ZNF423: variants seen among roughly 807,000 people sequenced by gnomAD.
The protein encoded by ZNF423 is zinc finger protein 423.
A neutral mutation model predicts 95.8 loss-of-function variants in ZNF423; 12 were observed. The observed-to-expected ratio is 0.13, with a 90% confidence interval of 0.08 to 0.20. The LOEUF (loss-of-function observed/expected upper bound fraction) is 0.20, where lower values mean the gene tolerates loss of function less well. Ranked by LOEUF, ZNF423 falls within the 10% of genes least tolerant of loss-of-function variation. The pLI, the probability that ZNF423 is intolerant of heterozygous loss-of-function variation, is 1.00. For missense variants in ZNF423, 1,316 were observed against 1,737.1 expected (o/e 0.76, Z 4.31); for synonymous variants, 749 against 711.9 (o/e 1.05, Z -0.83).
chr16:49,586,954 T>C (rs1970859903), intron 5 of ZNF423, among the ~76,000 whole-genome samples: 4 of 152,100 alleles, frequency 2.6e-5, no homozygotes, highest in Admixed American at 2.6e-4. Context: ...ACCTCATTCC[T>C]GGTGGGTGTA....
chr16:49,553,707 C>T (rs866598824), intron 5 of ZNF423, among the ~76,000 whole-genome samples: 1 of 152,172 alleles, frequency 6.6e-6, no homozygotes, highest in Middle Eastern at 3.4e-3. Flanking sequence ...AGTGCAGTGG[C>T]ATGATCAATT....
At chr16:49,753,669 G>C (rs1333367143) in intron 2 of ZNF423, among the ~76,000 whole-genome samples, 1 of 152,056 alleles carries the variant, frequency 6.6e-6, no homozygotes, top group Non-Finnish European at 1.5e-5. Flanking sequence ...GGCAGCTTCA[G>C]CTCTGGCTAT....
At chr16:49,542,381 T>C (rs562343480) in intron 5 of ZNF423, among the ~76,000 whole-genome samples, 20 of 152,358 alleles carry the variant, frequency 1.3e-4, no homozygotes, top group Admixed American at 4.6e-4. Flanking sequence ...TTGTGCTTGA[T>C]GCATAGGATT....
intron 7 of ZNF423, among the ~76,000 whole-genome samples, chr16:49,514,230 A>G (rs1968033633): frequency 7.0e-6 from 1 of 143,696 alleles, no homozygotes; most frequent in Non-Finnish European, 1.5e-5. Flanking sequence ...GCACATGCGT[A>G]CACACACACG....
chr16:49,540,900 C>A (rs909216952), intron 5 of ZNF423, among the ~76,000 whole-genome samples: 4 of 152,190 alleles, frequency 2.6e-5, no homozygotes, highest in African/African-American at 9.6e-5. Flanking sequence ...TGTGCATGTG[C>A]TGGTGGAAAC....
intron 3 of ZNF423, among the ~76,000 whole-genome samples, chr16:49,645,271 C>A (rs58384143): frequency 0.01 from 1,545 of 152,228 alleles, 29 homozygotes; most frequent in African/African-American, 0.035. Context: ...AGGAATGGGA[C>A]CCTAGACTCA....
intron 7 of ZNF423, among the ~76,000 whole-genome samples, chr16:49,496,594 A>C (rs1477998931): frequency 6.6e-6 from 1 of 152,156 alleles, no homozygotes; most frequent in Non-Finnish European, 1.5e-5. Context: ...AACCAAATAA[A>C]ACTGTTTTCT....
At chr16:49,779,624 T>G (rs34079596) in intron 2 of ZNF423, among the ~76,000 whole-genome samples, 29,755 of 151,956 alleles carry the variant, frequency 0.2, 2,990 homozygotes, top group South Asian at 0.26. Flanking sequence ...CATGAGGAGT[T>G]ATGCCATTGG....
intron 2 of ZNF423, among the ~76,000 whole-genome samples, chr16:49,771,647 G>C (rs955469658): frequency 6.6e-6 from 1 of 152,142 alleles, no homozygotes; most frequent in Non-Finnish European, 1.5e-5. Context: ...TTTATAAGGG[G>C]TGTGTCCCCC....
intron 1 of ZNF423, among the ~76,000 whole-genome samples, chr16:49,789,951 C>T (rs952385238): frequency 3.3e-5 from 5 of 152,164 alleles, no homozygotes; most frequent in Admixed American, 6.5e-5. Context: ...AATGACAGCA[C>T]GTCTGAGCAC....
At chr16:49,574,155 G>A (rs758354092) in intron 5 of ZNF423, among the ~76,000 whole-genome samples, 3 of 152,178 alleles carry the variant, frequency 2.0e-5, no homozygotes, top group Non-Finnish European at 4.4e-5. Context: ...AGGCTGAGGC[G>A]GGAGGACTGC....
intron 1 of ZNF423, among the ~76,000 whole-genome samples, chr16:49,827,992 T>G (rs1291205351): frequency 6.6e-6 from 1 of 152,224 alleles, no homozygotes; most frequent in Non-Finnish European, 1.5e-5. Flanking sequence ...TAGTATGAAC[T>G]GCTAAAAGAA....
At chr16:49,629,447 C>G (rs544409911) in intron 4 of ZNF423, among the ~76,000 whole-genome samples, 1 of 152,276 alleles carries the variant, frequency 6.6e-6, no homozygotes, top group South Asian at 2.1e-4. Flanking sequence ...CCCACAGTTC[C>G]CTAAGTAACT....
intron 5 of ZNF423, among the ~76,000 whole-genome samples, chr16:49,584,490 C>T (rs1285767110): frequency 6.6e-6 from 1 of 152,186 alleles, no homozygotes; most frequent in Non-Finnish European, 1.5e-5. Flanking sequence ...TAGGAATTGT[C>T]TGTACTCATA....
chr16:49,505,578 T>A (rs1403850617), intron 7 of ZNF423, among the ~76,000 whole-genome samples: 1 of 151,784 alleles, frequency 6.6e-6, no homozygotes, highest in Non-Finnish European at 1.5e-5. Context: ...CTTGTAAGGA[T>A]GGACCTAATT....
intron 5 of ZNF423, among the ~76,000 whole-genome samples, chr16:49,620,775 A>G (rs1474464725): frequency 6.6e-6 from 1 of 152,088 alleles, no homozygotes; most frequent in African/African-American, 2.4e-5. Context: ...AAGTTCTCAG[A>G]CCCCTTATCC....
intron 7 of ZNF423, among the ~76,000 whole-genome samples, chr16:49,509,468 C>G (rs1198152139): frequency 1.3e-5 from 2 of 152,190 alleles, no homozygotes; most frequent in Non-Finnish European, 2.9e-5. Context: ...CCATGCCCGG[C>G]CCCCAGCACC....
intron 5 of ZNF423, among the ~76,000 whole-genome samples, chr16:49,537,271 A>G (rs1382055751): frequency 6.6e-6 from 1 of 152,166 alleles, no homozygotes; most frequent in Non-Finnish European, 1.5e-5. Flanking sequence ...GCTCCTAACC[A>G]GTCAAGAAGC....
At chr16:49,537,770 G>A (rs1392124530) in intron 5 of ZNF423, among the ~76,000 whole-genome samples, 1 of 152,144 alleles carries the variant, frequency 6.6e-6, no homozygotes, top group Non-Finnish European at 1.5e-5. Context: ...CCCAGTGCTC[G>A]GCCTTTCTCT....
Sources: gnomAD v4.1 joint callset for allele counts (sites outside exome capture counted in the v4.1 genomes callset) on GRCh38, gnomAD v4.1.1 for gene constraint, MANE v1.5 for transcripts, NCBI Gene and HGNC (gene_info 2026-07-23, HGNC 2026-07-21) for gene names.